EYA1: variants seen among roughly 807,000 people sequenced by gnomAD.
EYA1 encodes the protein protein phosphatase EYA1.
In EYA1, 16 loss-of-function variants were observed where a neutral mutation model predicts 82.0. That is an observed-to-expected ratio of 0.20 (90% CI 0.13 to 0.30). The LOEUF is 0.30. Among genes scored for constraint, EYA1 ranks in the 10% least tolerant of loss-of-function variants. The pLI, the probability that EYA1 is intolerant of heterozygous loss-of-function variation, is 1.00. For missense variants in EYA1, 633 were observed against 730.7 expected, an observed-to-expected ratio of 0.87 and a Z score of 1.54; for synonymous variants, 261 against 264.4, an observed-to-expected ratio of 0.99 and a Z score of 0.12.
At chr8:71,481,434 G>A (rs1222052707) in intron 2 of EYA1, among the ~76,000 whole-genome samples, 4 of 152,302 alleles carry the variant, frequency 2.6e-5, no homozygotes, top group African/African-American at 7.2e-5. Context: ...TCAATCCTAA[G>A]CTGTTACATT....
intron 2 of EYA1, among the ~76,000 whole-genome samples, chr8:71,432,638 T>C (rs1805708612): frequency 6.6e-6 from 1 of 152,204 alleles, no homozygotes; most frequent in South Asian, 2.1e-4. Context: ...AACACAGTTA[T>C]ATTGGATCAG....
At chr8:71,405,165 T>G (rs916278649) in intron 2 of EYA1, among the ~76,000 whole-genome samples, 3 of 152,172 alleles carry the variant, frequency 2.0e-5, no homozygotes, top group Non-Finnish European at 4.4e-5. Context: ...TCCCCTCTTC[T>G]AGCACCTGAA....
At chr8:71,391,460 C>G (rs1487494565) in intron 2 of EYA1, among the ~76,000 whole-genome samples, 1 of 152,098 alleles carries the variant, frequency 6.6e-6, no homozygotes, top group Non-Finnish European at 1.5e-5. Flanking sequence ...TATTGGTTGT[C>G]TTTTCACTTA....
chr8:71,490,138 A>T (rs1389916086), intron 2 of EYA1, among the ~76,000 whole-genome samples: 1 of 152,190 alleles, frequency 6.6e-6, no homozygotes, highest in East Asian at 1.9e-4. Context: ...AACAGCACCA[A>T]AGTTTTGCTT....
At chr8:71,539,732 GC>G (rs1376524034) in intron 1 of EYA1, among the ~76,000 whole-genome samples, 1 of 152,170 alleles carries the variant, frequency 6.6e-6, no homozygotes, top group Non-Finnish European at 1.5e-5. Context: ...TTGTTAGGTA[GC>G]CTCACCTGAT....
intron 1 of EYA1, among the ~76,000 whole-genome samples, chr8:71,536,027 G>A (rs1014417246): frequency 6.6e-6 from 1 of 152,136 alleles, no homozygotes; most frequent in Non-Finnish European, 1.5e-5. Context: ...CAATTTACAT[G>A]AGCCAAATGT....
At chr8:71,280,345 A>AAGGAT (rs2128967439) in intron 9 of EYA1, among the ~76,000 whole-genome samples, 1 of 152,348 alleles carries the variant, frequency 6.6e-6, no homozygotes, top group African/African-American at 2.4e-5. Context: ...TGAATGAAAA[A>AAGGAT]AGGATATGTA....
At position 71,346,452 on chromosome 8, in the gene EYA1, A is replaced by ATATATATATATG. The variant is rs1011248214; in HGVS notation, c.124+8329_124+8330insCATATATATATA. On this transcript the variant is annotated intron_variant, in intron 3 of 17. Transcript: ENST00000340726. ...AGTGAATATATATATATATATATATATATCTATATATATCCTTCTCCCTGC... is the reference window on the plus strand; with the variant it reads ...AGTGAATATATATATATATATATATATATATATATATGTATCTATATATATCCTTCTCCCTGC... 6.5e-4 allele frequency among the ~76,000 whole-genome samples: 88 copies of ATATATATATATG among 134,626 alleles called. 1 individual carries two copies. Among genetic ancestry groups the ATATATATATATG allele is most frequent in the African/African-American group, 2.6e-3 (86 of 32,648 alleles). The allele number at this position is 134,626 out of a possible 152,430, so 88.3% of individuals were successfully genotyped here. A position where few individuals can be genotyped will look rare whatever the true frequency, so the allele number is the denominator to read the frequency against.
intron 17 of EYA1, among the ~76,000 whole-genome samples, chr8:71,208,736 AG>A (rs1254936729): frequency 4.4e-5 from 5 of 114,028 alleles, no homozygotes; most frequent in African/African-American, 2.4e-4. Flanking sequence ...AATAAAAAAA[AG>A]AAAAAAAAAT....
chr8:71,437,551 T>A (rs1007426252), intron 2 of EYA1, among the ~76,000 whole-genome samples: 1 of 152,092 alleles, frequency 6.6e-6, no homozygotes, highest in African/African-American at 2.4e-5. Flanking sequence ...AGGCATTTCA[T>A]GTGGTATATT....
intron 2 of EYA1, among the ~76,000 whole-genome samples, chr8:71,454,972 G>T (rs1433590026): frequency 5.3e-5 from 8 of 152,016 alleles, no homozygotes. Context: ...TCCAGGAGCT[G>T]GTTTTTTGAA....
intron 2 of EYA1, chr8:71,470,984 T>C (rs1809157470): frequency 1.2e-5 from 5 of 423,500 alleles, no homozygotes; most frequent in Non-Finnish European, 2.3e-5. Flanking sequence ...CAGACATTTA[T>C]GTTTATTTTC....
intron 2 of EYA1, among the ~76,000 whole-genome samples, chr8:71,441,467 A>C (rs575663690): frequency 6.6e-6 from 1 of 152,280 alleles, no homozygotes; most frequent in African/African-American, 2.4e-5. Flanking sequence ...TCAGACTGGA[A>C]GTCTAATTTC....
upstream of EYA1, chr8:71,362,077 G>A: frequency 3.1e-6 from 3 of 981,674 alleles, no homozygotes; most frequent in Non-Finnish European, 3.6e-6. Flanking sequence ...GAGAACCCTA[G>A]ACAAAGAAAC....
At chr8:71,432,954 A>C (rs886825608) in intron 2 of EYA1, among the ~76,000 whole-genome samples, 1 of 152,186 alleles carries the variant, frequency 6.6e-6, no homozygotes, top group Non-Finnish European at 1.5e-5. Flanking sequence ...TTTACTCTGG[A>C]ATATTGACTG....
At chr8:71,446,103 A>G (rs1806856658) in intron 2 of EYA1, among the ~76,000 whole-genome samples, 1 of 152,220 alleles carries the variant, frequency 6.6e-6, no homozygotes, top group Admixed American at 6.5e-5. Context: ...ACATTTAAAT[A>G]CATATTTTGC....
At chr8:71,415,332 C>A (rs548088709) in intron 2 of EYA1, among the ~76,000 whole-genome samples, 1 of 152,336 alleles carries the variant, frequency 6.6e-6, no homozygotes, top group South Asian at 2.1e-4. Flanking sequence ...TGTAGGCCAA[C>A]TATAATTCTA....
chr8:71,392,271 T>A (rs1288413596), intron 2 of EYA1, among the ~76,000 whole-genome samples: 1 of 152,106 alleles, frequency 6.6e-6, no homozygotes, highest in East Asian at 1.9e-4. Context: ...CCCGCACCCT[T>A]TGGCTTGCAT....
At chr8:71,476,696 A>G (rs1476237123) in intron 2 of EYA1, among the ~76,000 whole-genome samples, 6 of 152,040 alleles carry the variant, frequency 3.9e-5, no homozygotes, top group South Asian at 4.1e-4. Context: ...TTTCAACAAC[A>G]TTTTTTTCTA....
Sources: allele counts gnomAD v4.1 joint callset (sites outside exome capture counted in the v4.1 genomes callset), GRCh38; gene constraint gnomAD v4.1.1; transcripts MANE v1.5; gene names NCBI Gene and HGNC (gene_info 2026-07-23, HGNC 2026-07-21).